Variants in BPNT2 observed in about 807,000 individuals in gnomAD.
BPNT2 encodes Golgi-resident adenosine 3',5'-bisphosphate 3'-phosphatase.
BPNT2 carries 11 observed loss-of-function variants against 29.3 expected under a neutral mutation model. The ratio of observed to expected loss-of-function variants is 0.38; its 90% CI spans 0.24 to 0.62. The LOEUF is 0.62. Ranked by LOEUF, BPNT2 falls within the 20% of genes least tolerant of loss-of-function variation. BPNT2 has a pLI of 0.62. For synonymous variants in BPNT2, 195 were observed against 187.7 expected (o/e 1.04, Z -0.32); for missense variants, 459 against 473.4 (o/e 0.97, Z 0.28).
chr8:56,983,494 G>C (rs1806278749), intron 1 of BPNT2, among the ~76,000 whole-genome samples: 1 of 152,150 alleles, frequency 6.6e-6, no homozygotes, highest in Non-Finnish European at 1.5e-5. Context: ...GAGAGTAATG[G>C]AAGCCAGATG....
chr8:56,970,682 T>C (rs1391478238), intron 3 of BPNT2, among the ~76,000 whole-genome samples: 1 of 152,206 alleles, frequency 6.6e-6, no homozygotes. Context: ...ACTGTCCTTT[T>C]GTAGAAAATC....
rs1805777639 is a variant in BPNT2 at position 56,958,623 on chromosome 8, G to A, written c.*5170C>T. 1 of 152,192 alleles carries A rather than the reference G, an allele frequency of 6.6e-6. No homozygotes were observed. Among genetic ancestry groups the A allele is most frequent in the East Asian group, 1.9e-4 (1 of 5,196 alleles). The allele number at this position is 152,192 out of a possible 1,614,324, so 9.4% of individuals were successfully genotyped here. On this transcript the variant is annotated 3_prime_UTR_variant, in exon 5 of 5. Coordinates refer to ENST00000262644, the MANE Select transcript of BPNT2 (RefSeq NM_017813.5). Reference sequence around the variant, plus strand: ...GATGACAAAAAATAAATAAAAGTATGAAGAGGCAAGAACATAGATTGAAAA... The same window carrying A: ...GATGACAAAAAATAAATAAAAGTATAAAGAGGCAAGAACATAGATTGAAAA...
intron 4 of BPNT2, among the ~76,000 whole-genome samples, chr8:56,965,062 G>A (rs370527873): frequency 2.0e-5 from 3 of 152,208 alleles, no homozygotes; most frequent in African/African-American, 7.2e-5. Flanking sequence ...GCTCACGCCT[G>A]TAATCCTAGC....
At chr8:56,973,007 C>T (rs1023559453) in intron 3 of BPNT2, among the ~76,000 whole-genome samples, 5 of 152,002 alleles carry the variant, frequency 3.3e-5, no homozygotes, top group East Asian at 1.9e-4. Context: ...TCTACAAAAC[C>T]GCTAACCCCC....
intron 3 of BPNT2, among the ~76,000 whole-genome samples, chr8:56,969,319 G>A (rs1433370251): frequency 6.6e-5 from 10 of 152,128 alleles, no homozygotes; most frequent in African/African-American, 2.4e-4. Flanking sequence ...ATGTACTCAG[G>A]GAAGATCATA....
chr8:56,966,079 C>T (rs2129203492), intron 4 of BPNT2, 112 bp downstream of exon 4: 3 of 1,170,090 alleles, frequency 2.6e-6, no homozygotes, highest in Non-Finnish European at 3.8e-6. Context: ...CTTGAAAGTA[C>T]ACCACTCCTC....
At chr8:56,975,928 T>C (rs1278914737) in intron 3 of BPNT2, among the ~76,000 whole-genome samples, 3 of 152,202 alleles carry the variant, frequency 2.0e-5, no homozygotes, top group African/African-American at 7.2e-5. Flanking sequence ...TTTTAGTAAC[T>C]GTGTCCCTCT....
chr8:56,988,829 A>C (rs1806366982), intron 1 of BPNT2, among the ~76,000 whole-genome samples: 1 of 151,820 alleles, frequency 6.6e-6, no homozygotes. Context: ...CTTAACCACC[A>C]CTCCCCTTCA....
chr8:56,980,109 G>C lies in BPNT2; in HGVS notation c.476C>G (p.Thr159Ser). ...TTCTGCTGGTACCTCTTTAGGAGTA[G>C]TTACTTCCTTTAGGATATCCTCAGG... is the stretch of plus-strand genomic sequence containing the variant. ...KIPEDILKEV[T>S]TPKEVPAESV... is the part of the protein sequence containing the mutation. Residue 159 changes from threonine to serine, a missense_variant, in exon 2 of 5, where the codon ACT becomes AGT. Thr to Ser is a moderately conservative substitution (Grantham distance 58). Coordinates refer to ENST00000262644, the MANE Select transcript of BPNT2 (RefSeq NM_017813.5). 3 of 1,613,108 alleles carry C rather than the reference G, an allele frequency of 1.9e-6. No individual in the cohort carries two copies. The highest frequency in any genetic ancestry group is 2.5e-6 in the Non-Finnish European group (3 of 1,179,168).
Position 56,993,750 on chromosome 8 carries a change from A to C in BPNT2, c.-165T>G. ...CATCACTCCCTCCCAGGAAAGGCCG[A>C]GTTGCGCCGCGAAGACCACCAACGC... On this transcript the variant is annotated 5_prime_UTR_variant, in exon 1 of 5. Transcript: ENST00000262644. The C allele has an allele frequency of 6.6e-6, 6 of 911,834 alleles. No homozygotes were observed. The highest frequency in any genetic ancestry group is 7.9e-6 in the Non-Finnish European group (6 of 758,930). 56.5% of individuals were successfully genotyped at this position (911,834 alleles called of 1,614,324 possible).
rs774539846 is a variant in BPNT2 at position 56,993,508 on chromosome 8, G to A, written c.78C>T (p.His26=). The change falls in exon 1 of 5, where the codon CAC becomes CAT. Residue 26 remains histidine (H), a synonymous_variant. Coordinates refer to ENST00000262644, the MANE Select transcript of BPNT2 (RefSeq NM_017813.5). ...FCLLGLGVLY[H]LYSGFLAGRF... ...GGCCGGCCAAGAAGCCCGAGTAGAG[G>A]TGGTAGAGCACGCCGAGCCCCAGCA... 53 of 1,500,510 alleles carry A rather than the reference G, an allele frequency of 3.5e-5. No individual in the cohort carries two copies. Among genetic ancestry groups the A allele is most frequent in the Non-Finnish European group, 1.1e-5 (12 of 1,125,266 alleles). The allele number at this position is 1,500,510 out of a possible 1,614,324, so 92.9% of individuals were successfully genotyped here.
intron 1 of BPNT2, 104 bp from the exon 2 acceptor site, chr8:56,980,301 T>C (rs1806218521): frequency 1.1e-6 from 1 of 877,198 alleles, no homozygotes; most frequent in Non-Finnish European, 1.8e-6. Context: ...TATAAATAAG[T>C]AAATCCCTAT....
In BPNT2 at chr8:56,993,440, G is replaced by C; in HGVS notation, c.146C>G (p.Ala49Gly). 6.8e-7 allele frequency: 1 copy of C among 1,479,966 alleles called. No individual in the cohort carries two copies. The highest frequency in any genetic ancestry group is 8.9e-7 in the Non-Finnish European group (1 of 1,120,442). The allele number at this position is 1,479,966 out of a possible 1,614,324, so 91.7% of individuals were successfully genotyped here. ...ATCGGCCGCGGCCGCGGGCCCCGCCGCGCCGCCGCCAGGCTCGCCGCCCAG... is the reference window on the plus strand; with the variant it reads ...ATCGGCCGCGGCCGCGGGCCCCGCCCCGCCGCCGCCAGGCTCGCCGCCCAG... Reference protein sequence around the residue: ...FGLGGEPGGGAAGPAAAADGG... With the variant: ...FGLGGEPGGGGAGPAAAADGG... The change falls in exon 1 of 5, where the codon GCG becomes GGG. Residue 49 changes from alanine to glycine, a missense_variant. Physicochemically the swap from Ala to Gly is moderately conservative, Grantham distance 60. Coordinates refer to ENST00000262644, the MANE Select transcript of BPNT2 (RefSeq NM_017813.5).
At chr8:56,980,831 C>CACACAA (rs1419678329) in intron 1 of BPNT2, among the ~76,000 whole-genome samples, 1 of 150,364 alleles carries the variant, frequency 6.7e-6, no homozygotes, top group African/African-American at 2.4e-5. Context: ...CACACACACA[C>CACACAA]ACACACACAC....
At chr8:56,982,949 G>C (rs1219377291) in intron 1 of BPNT2, among the ~76,000 whole-genome samples, 1 of 152,150 alleles carries the variant, frequency 6.6e-6, no homozygotes, top group Non-Finnish European at 1.5e-5. Flanking sequence ...AATCATGGAT[G>C]AACCCCCTTG....
intron 3 of BPNT2, among the ~76,000 whole-genome samples, chr8:56,967,841 A>C (rs748855383): frequency 2.0e-5 from 3 of 152,136 alleles, no homozygotes; most frequent in Non-Finnish European, 2.9e-5. Flanking sequence ...GAAAACCAAA[A>C]ACCATACTGA....
chr8:56,987,863 G>T (rs963921034), intron 1 of BPNT2, among the ~76,000 whole-genome samples: 1 of 151,614 alleles, frequency 6.6e-6, no homozygotes, highest in Non-Finnish European at 1.5e-5. Context: ...CGAGCAGGTG[G>T]GACTACAGAC....
chr8:56,964,717 T>C (rs1805911434), intron 4 of BPNT2, among the ~76,000 whole-genome samples: 1 of 152,238 alleles, frequency 6.6e-6, no homozygotes. Context: ...TTACGTGCCA[T>C]TTTCTATGGA....
Position 56,993,724 on chromosome 8 carries a change from C to T in BPNT2, c.-139G>A. The T allele has an allele frequency of 1.0e-6, 1 of 978,784 alleles. No homozygotes were observed. The highest frequency in any genetic ancestry group is 1.2e-6 in the Non-Finnish European group (1 of 818,800). 60.6% of individuals were successfully genotyped at this position (978,784 alleles called of 1,614,324 possible). Reference sequence around the variant, plus strand: ...GCCCGCTCCCCGGCCCCGGTGCGCCCCATCACTCCCTCCCAGGAAAGGCCG... The same window carrying T: ...GCCCGCTCCCCGGCCCCGGTGCGCCTCATCACTCCCTCCCAGGAAAGGCCG... On this transcript the variant is annotated 5_prime_UTR_variant, in exon 1 of 5. Transcript: ENST00000262644.
Sources: allele counts gnomAD v4.1 joint callset (sites outside exome capture counted in the v4.1 genomes callset), GRCh38; gene constraint gnomAD v4.1.1; transcripts MANE v1.5; gene names NCBI Gene and HGNC (gene_info 2026-07-23, HGNC 2026-07-21).